The following TENM2 variants were observed in gnomAD, a reference collection of about 807,000 sequenced individuals.
TENM2 encodes teneurin transmembrane protein 2.
Under a neutral mutation model 245.2 loss-of-function variants are expected in TENM2, and 52 were observed. The observed-to-expected ratio is 0.21, with a 90% confidence interval of 0.17 to 0.27. TENM2 has a LOEUF of 0.27. TENM2 is among the 10% of genes least tolerant of loss of function. TENM2 has a pLI of 1.00. For missense variants in TENM2, 3,046 were observed against 3,666.8 expected (o/e 0.83, Z 4.37); for synonymous variants, 1,363 against 1,438.9 (o/e 0.95, Z 1.19).
chr5:168,246,297 T>G (rs908235646), intron 26 of TENM2, among the ~76,000 whole-genome samples: 1 of 152,182 alleles, frequency 6.6e-6, no homozygotes, highest in Non-Finnish European at 1.5e-5. Flanking sequence ...GGTATGTGTT[T>G]CACACAGCTC....
the TENM2 span, among the ~76,000 whole-genome samples, chr5:166,989,799 C>G: frequency 2.0e-5 from 3 of 150,116 alleles, no homozygotes; most frequent in African/African-American, 4.9e-5. Flanking sequence ...AGCTTAAGAT[C>G]AATGAGAACT....
chr5:167,159,962 G>A, the TENM2 span, among the ~76,000 whole-genome samples: 3 of 152,302 alleles, frequency 2.0e-5, no homozygotes, highest in East Asian at 5.8e-4. Context: ...AAAGTGGGGT[G>A]AAATGTACAA....
At chr5:167,006,363 T>C in the TENM2 span, among the ~76,000 whole-genome samples, 5 of 152,338 alleles carry the variant, frequency 3.3e-5, no homozygotes, top group Non-Finnish European at 7.3e-5. Context: ...GAGTCATTTC[T>C]TCTTAGAAGT....
intron 7 of TENM2, among the ~76,000 whole-genome samples, chr5:168,074,239 C>T (rs950575016): frequency 1.3e-5 from 2 of 152,128 alleles, no homozygotes; most frequent in Admixed American, 6.5e-5. Flanking sequence ...AAAATATACT[C>T]CTTTGGAACT....
chr5:167,294,566 A>T (rs1055706156), intron 1 of TENM2, among the ~76,000 whole-genome samples: 4 of 152,168 alleles, frequency 2.6e-5, no homozygotes, highest in African/African-American at 9.7e-5. Flanking sequence ...TTGACCTGTC[A>T]TTCCACAGGG....
Position 167,349,428 on chromosome 5 carries a change from C to T in TENM2, c.227-25770C>T, listed in dbSNP as rs1758679802. Among the ~76,000 whole-genome samples the T allele has an allele frequency of 2.6e-5, 4 of 152,304 alleles. No individual in the cohort carries two copies. The South Asian group carries it at 8.3e-4, about 32-fold the overall frequency. On this transcript the variant is annotated intron_variant, in intron 1 of 28. Transcript: ENST00000518659. ...AACTTAGTTTATTCTGACTCCAAAG[C>T]CTCTTTGCAGTGTGCCACACCATCC...
At chr5:167,636,104 T>A (rs1407447900) in intron 2 of TENM2, among the ~76,000 whole-genome samples, 1 of 152,218 alleles carries the variant, frequency 6.6e-6, no homozygotes, top group Non-Finnish European at 1.5e-5. Flanking sequence ...TCAAAAAGTC[T>A]ACTTAATTAT....
rs542572829 is a variant in TENM2 at position 167,426,847 on chromosome 5, T to G, written c.502+51374T>G. Among the ~76,000 whole-genome samples the G allele has an allele frequency of 4.9e-4, 75 of 152,248 alleles. No homozygotes were observed. In the South Asian group the frequency reaches 8.7e-3, roughly 18 times the overall value. On this transcript the variant is annotated intron_variant, in intron 2 of 28. Coordinates refer to ENST00000518659, the Ensembl canonical transcript of TENM2. ...AAAATCAACAACATATGCTCTACAT[T>G]TTTTTCAATACTAAATTGATCATCT...
intron 2 of TENM2, among the ~76,000 whole-genome samples, chr5:167,386,264 T>C (rs1026188019): frequency 2.6e-5 from 4 of 152,166 alleles, no homozygotes; most frequent in Non-Finnish European, 4.4e-5. Flanking sequence ...CCCTGATCAT[T>C]AGTGATGTTG....
chr5:167,861,021 AC>A (rs1366520010), intron 2 of TENM2, among the ~76,000 whole-genome samples: 1 of 103,790 alleles, frequency 9.6e-6, no homozygotes, highest in African/African-American at 3.8e-5. Context: ...TCTGTGAGAA[AC>A]ACCCAAGAAT....
intron 3 of TENM2, among the ~76,000 whole-genome samples, chr5:167,951,174 GGA>G (rs1416595588): frequency 5.3e-5 from 8 of 152,184 alleles, no homozygotes; most frequent in Non-Finnish European, 1.5e-5. Context: ...TACACCTTTT[GGA>G]GATGTAGCCC....
chr5:167,393,271 G>C (rs182069817), intron 2 of TENM2, among the ~76,000 whole-genome samples: 46 of 152,256 alleles, frequency 3.0e-4, no homozygotes, highest in African/African-American at 1.0e-3. Flanking sequence ...GCTATGTAGT[G>C]ATAAATGGTA....
At chr5:167,044,545 C>A in the TENM2 span, among the ~76,000 whole-genome samples, 1 of 152,076 alleles carries the variant, frequency 6.6e-6, no homozygotes, top group Non-Finnish European at 1.5e-5. Flanking sequence ...TTGTTTAAGA[C>A]CATGAGAGAT....
intron 4 of TENM2, among the ~76,000 whole-genome samples, chr5:167,973,339 C>T (rs1424158902): frequency 6.6e-6 from 1 of 152,172 alleles, no homozygotes; most frequent in East Asian, 1.9e-4. Context: ...GTATTTCCCA[C>T]CTCCTGTTGG....
intron 2 of TENM2, among the ~76,000 whole-genome samples, chr5:167,409,624 T>C (rs1197193388): frequency 6.6e-6 from 1 of 152,164 alleles, no homozygotes; most frequent in East Asian, 1.9e-4. Flanking sequence ...GGATTATAGA[T>C]GATTTTATTT....
At chr5:168,049,674 T>C (rs1788906205) in intron 6 of TENM2, among the ~76,000 whole-genome samples, 2 of 152,244 alleles carry the variant, frequency 1.3e-5, no homozygotes, top group Non-Finnish European at 2.9e-5. Flanking sequence ...ATTGTGTCTT[T>C]GGAAAGACCA....
At chr5:167,989,341 T>TTAGAA (rs1239063792) in intron 4 of TENM2, among the ~76,000 whole-genome samples, 2 of 151,660 alleles carry the variant, frequency 1.3e-5, no homozygotes, top group African/African-American at 4.9e-5. Flanking sequence ...GGGGGCTGTG[T>TTAGAA]TAGAATAGAT....
chr5:167,437,783 C>T (rs10058279), intron 2 of TENM2, among the ~76,000 whole-genome samples: 1 of 151,916 alleles, frequency 6.6e-6, no homozygotes, highest in African/African-American at 2.4e-5. Flanking sequence ...ACCCATTTCT[C>T]TTGATTCTCA....
rs941446952 is a variant in TENM2, at chr5:167,365,414, AATAAG to A, written c.227-9778_227-9774del. On this transcript the variant is annotated intron_variant, in intron 1 of 28. Coordinates refer to ENST00000518659, the Ensembl canonical transcript of TENM2. The stretch of plus-strand genomic sequence containing the variant: ...AAAAAACTCAAATTAAGTAGAAATA[AATAAG>A]ATAAGTGCAGAAATTAGGGAAATGG... Among the ~76,000 whole-genome samples, 8 of 151,612 alleles carry A rather than the reference AATAAG, an allele frequency of 5.3e-5. No homozygotes were observed. The East Asian group carries it at 5.8e-4, about 11-fold the overall frequency.
Sources: gnomAD v4.1 joint callset for allele counts (sites outside exome capture counted in the v4.1 genomes callset) on GRCh38, gnomAD v4.1.1 for gene constraint, MANE v1.5 for transcripts, NCBI Gene and HGNC (gene_info 2026-07-23, HGNC 2026-07-21) for gene names.